The following PLD5 variants were observed in gnomAD, a reference collection of about 807,000 sequenced individuals.
PLD5 encodes the protein phospholipase D family member 5, also known as inactive phospholipase D5.
In PLD5, 36 loss-of-function variants were observed where a neutral mutation model predicts 61.1. The ratio of observed to expected loss-of-function variants is 0.59; its 90% CI spans 0.45 to 0.78. The LOEUF is 0.78. PLD5 is among the 30% of genes least tolerant of loss of function. PLD5 has a pLI of 0.00. For synonymous variants in PLD5, 243 were observed against 242.8 expected, an observed-to-expected ratio of 1.00 and a Z score of -0.01; for missense variants, 515 against 644.4, an observed-to-expected ratio of 0.80 and a Z score of 2.17.
At chr1:242,249,747 GTTC>G (rs1472345147) in intron 4 of PLD5, among the ~76,000 whole-genome samples, 1 of 152,122 alleles carries the variant, frequency 6.6e-6, no homozygotes, top group East Asian at 1.9e-4. Context: ...CATTCAAAAT[GTTC>G]TTATTTCTGA....
At chr1:242,300,459 AAAGAAAGAAAGAAAGAAAG>A (rs1398705894) in intron 2 of PLD5, among the ~76,000 whole-genome samples, 1 of 1,096 alleles carries the variant, frequency 9.1e-4, no homozygotes, top group African/African-American at 1.3e-3. Flanking sequence ...AAGAAGAAAG[AAAGAAAGAAAGAAAGAAAG>A]AAGAAGAAAT....
intron 1 of PLD5, among the ~76,000 whole-genome samples, chr1:242,512,223 A>G (rs551916620): frequency 4.0e-5 from 6 of 151,538 alleles, no homozygotes; most frequent in South Asian, 2.1e-4. Flanking sequence ...CATCCTGGCT[A>G]ACACGGTGAA....
rs572912059 is a variant in PLD5 at position 242,503,733 on chromosome 1, C to T, written c.189+20355G>A. Among the ~76,000 whole-genome samples, 3 of 152,184 alleles carry T rather than the reference C, an allele frequency of 2.0e-5. No individual in the cohort carries two copies. In the East Asian group the frequency reaches 5.8e-4, roughly 30 times the overall value. On this transcript the variant is annotated intron_variant, in intron 1 of 9. Transcript: ENST00000536534. The stretch of plus-strand genomic sequence containing the variant: ...AGAGGCCTTAAGAAGCATTTCACTG[C>T]TCTTAAAAAGGGACATAAGGTCAAG...
intron 5 of PLD5, among the ~76,000 whole-genome samples, chr1:242,148,393 A>G (rs1304419573): frequency 6.6e-6 from 1 of 151,476 alleles, no homozygotes; most frequent in Non-Finnish European, 1.5e-5. Flanking sequence ...TAAACTTAGT[A>G]TAGTAGGTCA....
At chr1:242,420,389 G>T (rs147667522) in intron 1 of PLD5, among the ~76,000 whole-genome samples, 5 of 152,086 alleles carry the variant, frequency 3.3e-5, no homozygotes, top group African/African-American at 1.2e-4. Flanking sequence ...CATTCTTACA[G>T]CCCCAAACTC....
At chr1:242,452,079 G>A (rs1666801085) in intron 1 of PLD5, among the ~76,000 whole-genome samples, 1 of 152,148 alleles carries the variant, frequency 6.6e-6, no homozygotes, top group Non-Finnish European at 1.5e-5. Context: ...GCAAGCTGAA[G>A]GCTAGAAGTA....
chr1:242,138,894 G>A (rs923651729), intron 5 of PLD5, among the ~76,000 whole-genome samples: 1 of 152,224 alleles, frequency 6.6e-6, no homozygotes, highest in Non-Finnish European at 1.5e-5. Context: ...AACTGTGTAA[G>A]AACTAAATGG....
intron 5 of PLD5, among the ~76,000 whole-genome samples, chr1:242,160,360 T>G (rs1012864648): frequency 6.6e-6 from 1 of 152,066 alleles, no homozygotes; most frequent in Non-Finnish European, 1.5e-5. Flanking sequence ...ATTTGAAATC[T>G]CTCATATTAA....
intron 1 of PLD5, among the ~76,000 whole-genome samples, chr1:242,415,196 A>T (rs1664753038): frequency 6.6e-6 from 1 of 152,220 alleles, no homozygotes; most frequent in Admixed American, 6.5e-5. Context: ...ATTTGGTAGC[A>T]TCTAACAAAT....
chr1:242,097,690 G>A (rs916668943), intron 9 of PLD5, among the ~76,000 whole-genome samples: 1 of 152,156 alleles, frequency 6.6e-6, no homozygotes, highest in African/African-American at 2.4e-5. Context: ...CTCCCATTCT[G>A]TAGGTTGCCT....
chr1:242,164,371 CTA>C (rs1666142593), intron 5 of PLD5, among the ~76,000 whole-genome samples: 1 of 148,826 alleles, frequency 6.7e-6, no homozygotes, highest in South Asian at 2.2e-4. Flanking sequence ...CTGGAAGGTT[CTA>C]TTAAATTTTT....
intron 2 of PLD5, among the ~76,000 whole-genome samples, chr1:242,299,120 ATTT>A (rs969967774): frequency 1.3e-5 from 2 of 149,782 alleles, no homozygotes; most frequent in African/African-American, 4.9e-5. Context: ...ACATTAAAAA[ATTT>A]TTTTTAATAT....
Position 242,107,573 on chromosome 1 carries a change from T to A in PLD5, c.1239+98A>T. On this transcript the variant is annotated intron_variant, in intron 8 of 9. Coordinates refer to ENST00000536534, the MANE Select transcript of PLD5 (RefSeq NM_001372062.1). ...TTTTTGAAGATTGCCGTCCTGGTTC[T>A]TACTGGAACTTTACACATAGGCGTA... 8.5e-6 allele frequency: 10 copies of A among 1,179,574 alleles called. 1 individual carries two copies. In the South Asian group the frequency reaches 1.8e-4, roughly 21 times the overall value. 73.1% of individuals were successfully genotyped at this position (1,179,574 alleles called of 1,614,324 possible).
intron 5 of PLD5, among the ~76,000 whole-genome samples, chr1:242,214,694 C>T (rs1268221002): frequency 6.6e-6 from 1 of 152,004 alleles, no homozygotes; most frequent in African/African-American, 2.4e-5. Context: ...CAGGCACGTC[C>T]CCTCCTTCAA....
At chr1:242,289,620 G>T (rs1675241837) in intron 2 of PLD5, among the ~76,000 whole-genome samples, 1 of 152,044 alleles carries the variant, frequency 6.6e-6, no homozygotes, top group African/African-American at 2.4e-5. Context: ...CTCCCAAAGT[G>T]CTAGGATTAT....
chr1:242,103,379 T>G (rs1483030760), intron 8 of PLD5, among the ~76,000 whole-genome samples: 1 of 152,238 alleles, frequency 6.6e-6, no homozygotes, highest in Non-Finnish European at 1.5e-5. Flanking sequence ...ATTAGCTCCC[T>G]TCTTTGACTT....
At chr1:242,296,754 T>C (rs958269033) in intron 2 of PLD5, among the ~76,000 whole-genome samples, 1 of 152,208 alleles carries the variant, frequency 6.6e-6, no homozygotes, top group Non-Finnish European at 1.5e-5. Flanking sequence ...TTGTTCAGGC[T>C]GAAGTGCAGT....
rs188643555 is a variant in PLD5, at chr1:242,402,706, G to T, written c.190-54464C>A. On this transcript the variant is annotated intron_variant, in intron 1 of 9. Transcript: ENST00000536534. ...GTATTTTGTTTTCTAATGTCCAAATGCATTTTTCCTTCTAACATGAAGGTG... is the reference window on the plus strand; with the variant it reads ...GTATTTTGTTTTCTAATGTCCAAATTCATTTTTCCTTCTAACATGAAGGTG... Among the ~76,000 whole-genome samples, 9 of 152,240 alleles carry T rather than the reference G, an allele frequency of 5.9e-5. No individual in the cohort carries two copies. In the East Asian group the frequency reaches 1.7e-3, roughly 29 times the overall value.
intron 5 of PLD5, among the ~76,000 whole-genome samples, chr1:242,192,678 G>T (rs1304754005): frequency 1.3e-5 from 2 of 152,346 alleles, no homozygotes; most frequent in African/African-American, 4.8e-5. Flanking sequence ...AACACGGACA[G>T]AAGAGTTAGC....
Sources: allele counts gnomAD v4.1 joint callset (sites outside exome capture counted in the v4.1 genomes callset), GRCh38; gene constraint gnomAD v4.1.1; transcripts MANE v1.5; gene names NCBI Gene and HGNC (gene_info 2026-07-23, HGNC 2026-07-21).